The following CPQ variants were observed in gnomAD, a reference collection of about 807,000 sequenced individuals.
CPQ encodes the protein carboxypeptidase Q.
Under a neutral mutation model 45.7 loss-of-function variants are expected in CPQ, and 37 were observed. The ratio of observed to expected loss-of-function variants is 0.81; its 90% CI spans 0.62 to 1.07. The LOEUF (loss-of-function observed/expected upper bound fraction) is 1.07. CPQ is among the 50% of genes least tolerant of loss of function. The probability of loss-of-function intolerance (pLI) is 0.00; values close to 1 mark genes in which losing one functional copy is unlikely to be tolerated. For synonymous variants in CPQ, 186 were observed against 205.8 expected (o/e 0.90, Z 0.82); for missense variants, 537 against 572.9 (o/e 0.94, Z 0.64).
At chr8:97,052,648 T>C (rs1214620406) in intron 6 of CPQ, among the ~76,000 whole-genome samples, 1 of 152,196 alleles carries the variant, frequency 6.6e-6, no homozygotes, top group African/African-American at 2.4e-5. Flanking sequence ...GTCTCATCTT[T>C]GATAGCAAAA....
At chr8:96,814,990 G>A (rs553258031) in intron 2 of CPQ, among the ~76,000 whole-genome samples, 11 of 152,214 alleles carry the variant, frequency 7.2e-5, no homozygotes, top group African/African-American at 2.4e-4. Flanking sequence ...TAGTTGCCAG[G>A]GGTTTGGCAA....
At chr8:96,693,805 GA>G (rs200470723) in intron 1 of CPQ, among the ~76,000 whole-genome samples, 6 of 151,888 alleles carry the variant, frequency 4.0e-5, no homozygotes, top group Non-Finnish European at 7.4e-5. Context: ...TAAGTACACA[GA>G]AAAAAATGGA....
intron 4 of CPQ, among the ~76,000 whole-genome samples, chr8:96,954,099 A>G (rs1257420866): frequency 2.0e-5 from 3 of 152,172 alleles, no homozygotes; most frequent in Non-Finnish European, 4.4e-5. Context: ...TAAGAATGGT[A>G]CTTTGATGCT....
At position 96,815,413 on chromosome 8, in the gene CPQ, G is replaced by A. The variant is rs190736949; in HGVS notation, c.434-19560G>A. Among the ~76,000 whole-genome samples, 848 of 152,130 alleles carry A rather than the reference G, an allele frequency of 5.6e-3. 11 individuals are homozygous for A. Among genetic ancestry groups the A allele is most frequent in the Non-Finnish European group, 7.4e-3 (501 of 67,996 alleles). Reference sequence around the variant, plus strand: ...AGATAAGGAAATGGAAGCTTGGAGAGCTTAAGCGATTTGCCAAAATACATA... The same window carrying A: ...AGATAAGGAAATGGAAGCTTGGAGAACTTAAGCGATTTGCCAAAATACATA... On this transcript the variant is annotated intron_variant, in intron 2 of 7. Coordinates refer to ENST00000220763, the MANE Select transcript of CPQ (RefSeq NM_016134.4).
Position 97,100,607 on chromosome 8 carries a change from T to C in CPQ, c.1255+34397T>C, listed in dbSNP as rs1425568911. ...GAATAAATCACCCCTTTTAGTCTCA[T>C]TTAATATCTAAATTTGAGAATAATA... is the stretch of plus-strand genomic sequence containing the variant. On this transcript the variant is annotated intron_variant, in intron 7 of 7. Coordinates refer to ENST00000220763, the MANE Select transcript of CPQ (RefSeq NM_016134.4). Among the ~76,000 whole-genome samples the C allele has an allele frequency of 3.3e-5, 5 of 152,194 alleles. 1 individual carries two copies. In the South Asian group the frequency reaches 1.0e-3, roughly 32 times the overall value.
At chr8:96,805,317 A>G (rs776462107) in intron 2 of CPQ, among the ~76,000 whole-genome samples, 1 of 152,128 alleles carries the variant, frequency 6.6e-6, no homozygotes, top group Admixed American at 6.6e-5. Flanking sequence ...TACATTTACA[A>G]TATCTTGTGA....
chr8:96,942,087 G>C (rs1157347659), intron 4 of CPQ, among the ~76,000 whole-genome samples: 1 of 152,124 alleles, frequency 6.6e-6, no homozygotes, highest in East Asian at 1.9e-4. Flanking sequence ...CTAAATAACT[G>C]AGAATGGTAT....
At chr8:97,005,002 T>G (rs899816240) in intron 5 of CPQ, among the ~76,000 whole-genome samples, 1 of 152,184 alleles carries the variant, frequency 6.6e-6, no homozygotes, top group Non-Finnish European at 1.5e-5. Context: ...AAATAAATTT[T>G]TATGGGGCTG....
intron 1 of CPQ, among the ~76,000 whole-genome samples, chr8:96,689,806 T>A (rs1236802021): frequency 6.6e-6 from 1 of 152,166 alleles, no homozygotes; most frequent in Non-Finnish European, 1.5e-5. Context: ...CAAGTGTAAT[T>A]GATTTCCATT....
intron 4 of CPQ, among the ~76,000 whole-genome samples, chr8:96,918,112 G>A (rs558799674): frequency 2.0e-5 from 3 of 152,126 alleles, no homozygotes; most frequent in Admixed American, 1.3e-4. Context: ...ATGACAATTC[G>A]TGCTGATAGG....
intron 7 of CPQ, among the ~76,000 whole-genome samples, chr8:97,123,199 TAAAATAAAAAATAAA>T (rs1407263085): frequency 1.5e-5 from 1 of 66,256 alleles, no homozygotes; most frequent in African/African-American, 5.9e-5. Flanking sequence ...TAAAATAAAA[TAAAATAAAAAATAAA>T]ATAAAATAAA....
At chr8:96,945,481 A>G (rs1486195284) in intron 4 of CPQ, among the ~76,000 whole-genome samples, 2 of 152,130 alleles carry the variant, frequency 1.3e-5, no homozygotes, top group Admixed American at 6.6e-5. Flanking sequence ...AGGATTGACA[A>G]CTATATTTTA....
intron 3 of CPQ, among the ~76,000 whole-genome samples, chr8:96,864,022 T>C (rs1811964314): frequency 2.0e-5 from 3 of 152,116 alleles, no homozygotes; most frequent in Admixed American, 1.3e-4. Context: ...ACATAGTAAC[T>C]GCTATCACTG....
At chr8:96,772,960 C>A (rs909710973) in intron 1 of CPQ, among the ~76,000 whole-genome samples, 11 of 152,080 alleles carry the variant, frequency 7.2e-5, no homozygotes, top group Admixed American at 5.9e-4. Flanking sequence ...AATGTTAGAG[C>A]AGAAATGCCA....
chr8:96,687,882 T>C (rs1428859453), intron 1 of CPQ, among the ~76,000 whole-genome samples: 1 of 152,134 alleles, frequency 6.6e-6, no homozygotes, highest in East Asian at 1.9e-4. Flanking sequence ...TTTTTTTTGT[T>C]TGCAAATGGG....
chr8:96,933,084 G>A (rs572059219), intron 4 of CPQ, among the ~76,000 whole-genome samples: 38 of 152,128 alleles, frequency 2.5e-4, no homozygotes, highest in Non-Finnish European at 4.7e-4. Flanking sequence ...CCTCAGAGAG[G>A]ACCACTGAAT....
chr8:96,735,847 C>T (rs555672827), intron 1 of CPQ, among the ~76,000 whole-genome samples: 2 of 152,282 alleles, frequency 1.3e-5, no homozygotes, highest in African/African-American at 4.8e-5. Context: ...CAGCAAGTCA[C>T]TTCTTGTCCA....
intron 7 of CPQ, among the ~76,000 whole-genome samples, chr8:97,108,798 T>C (rs1465944017): frequency 6.6e-6 from 1 of 152,240 alleles, no homozygotes; most frequent in African/African-American, 2.4e-5. Context: ...AGAATTAAAG[T>C]GGTTAATTAT....
intron 4 of CPQ, among the ~76,000 whole-genome samples, chr8:96,942,157 A>T (rs1813130896): frequency 6.6e-6 from 1 of 152,214 alleles, no homozygotes; most frequent in Admixed American, 6.5e-5. Context: ...AACCTGAAAT[A>T]GCATTGCCCT....
Sources: allele counts gnomAD v4.1 joint callset (sites outside exome capture counted in the v4.1 genomes callset), GRCh38; gene constraint gnomAD v4.1.1; transcripts MANE v1.5; gene names NCBI Gene and HGNC (gene_info 2026-07-23, HGNC 2026-07-21).